The following ERN1 variants were observed in gnomAD, a reference collection of about 807,000 sequenced individuals.
The protein encoded by ERN1 is serine/threonine-protein kinase/endoribonuclease IRE1.
In ERN1, 39 loss-of-function variants were observed where a neutral mutation model predicts 113.1. The ratio of observed to expected loss-of-function variants is 0.34; its 90% CI spans 0.27 to 0.45. The LOEUF (loss-of-function observed/expected upper bound fraction) is 0.45. ERN1 is among the 20% of genes least tolerant of loss of function. The pLI, the probability that ERN1 is intolerant of heterozygous loss-of-function variation, is 1.00. For synonymous variants in ERN1, 507 were observed against 515.9 expected (o/e 0.98, Z 0.23); for missense variants, 976 against 1,274.8 (o/e 0.77, Z 3.57).
chr17:64,067,829 T>A (rs1456180523), intron 7 of ERN1: 1 of 173,804 alleles, frequency 5.8e-6, no homozygotes, highest in African/African-American at 2.4e-5. Flanking sequence ...TAGGGATGAG[T>A]CACATTTGCA....
chr17:64,111,652 C>T (rs1328857495), intron 1 of ERN1, among the ~76,000 whole-genome samples: 5 of 152,158 alleles, frequency 3.3e-5, no homozygotes, highest in Admixed American at 6.5e-5. Context: ...CCATCGCGCC[C>T]GGCCAGGTCA....
chr17:64,106,715 T>TACACACACAC (rs58544303), intron 1 of ERN1, among the ~76,000 whole-genome samples: 5,273 of 103,328 alleles, frequency 0.051, 363 homozygotes, highest in East Asian at 0.097. Context: ...CAGGGTTTCT[T>TACACACACAC]ACACACACAC....
At chr17:64,071,324 G>C (rs1267500450) in intron 6 of ERN1, among the ~76,000 whole-genome samples, 1 of 152,190 alleles carries the variant, frequency 6.6e-6, no homozygotes, top group African/African-American at 2.4e-5. Context: ...GGCAAAAACA[G>C]GCATACCTGG....
intron 1 of ERN1, among the ~76,000 whole-genome samples, chr17:64,112,416 A>G (rs1216523612): frequency 1.3e-5 from 2 of 151,880 alleles, no homozygotes; most frequent in African/African-American, 4.8e-5. Context: ...ATAACTGCTG[A>G]GGAGGTTGTC....
chr17:64,114,063 T>C (rs1360944480), intron 1 of ERN1, among the ~76,000 whole-genome samples: 3 of 118,834 alleles, frequency 2.5e-5, no homozygotes, highest in Admixed American at 1.9e-4. Context: ...AATAAGAAGG[T>C]AAATGCTAAA....
intron 6 of ERN1, among the ~76,000 whole-genome samples, chr17:64,069,421 C>T (rs1015964633): frequency 6.6e-6 from 1 of 151,950 alleles, no homozygotes; most frequent in Non-Finnish European, 1.5e-5. Context: ...GGACAAGGAA[C>T]GGACTGAGAA....
At chr17:64,116,930 C>T (rs1914820862) in intron 1 of ERN1, among the ~76,000 whole-genome samples, 1 of 143,960 alleles carries the variant, frequency 6.9e-6, no homozygotes, top group Admixed American at 7.0e-5. Context: ...CGGTGAAACC[C>T]TGTCTTTACT....
In ERN1 at chr17:64,045,856, C is replaced by T. The variant is rs117094372; in HGVS notation, c.2530-374G>A. ...GAAAGCTCAGATTTGATGTGCATCC[C>T]GTGCTTTGTCTACTCACTGAAACAG... is the stretch of plus-strand genomic sequence containing the variant. On this transcript the variant is annotated intron_variant, in intron 19 of 21. Transcript: ENST00000433197. Among the ~76,000 whole-genome samples the T allele has an allele frequency of 3.5e-3, 532 of 152,288 alleles. 3 individuals carry two copies. Among genetic ancestry groups the T allele is most frequent in the Middle Eastern group, 6.8e-3 (2 of 294 alleles).
intron 1 of ERN1, chr17:64,128,972 T>C (rs888846820): frequency 1.3e-5 from 2 of 152,160 alleles, no homozygotes; most frequent in Non-Finnish European, 2.9e-5. Flanking sequence ...TGGTACATGA[T>C]ATCCCTATTA....
intron 1 of ERN1, among the ~76,000 whole-genome samples, chr17:64,109,706 G>T (rs1051723690): frequency 1.3e-5 from 2 of 152,216 alleles, no homozygotes; most frequent in South Asian, 2.1e-4. Flanking sequence ...CACAGGAAAA[G>T]AAATCAAGGC....
At chr17:64,065,374 C>T (rs570489734) in intron 8 of ERN1, 87 bp from the exon 9 acceptor site, 22 of 954,526 alleles carry the variant, frequency 2.3e-5, no homozygotes, top group Admixed American at 1.2e-4. Context: ...AAATACCACC[C>T]GCAGGGATGA....
chr17:64,046,613 C>A (rs182149857), intron 19 of ERN1, among the ~76,000 whole-genome samples: 2 of 152,324 alleles, frequency 1.3e-5, no homozygotes, highest in South Asian at 2.1e-4. Context: ...AATGGTTGGG[C>A]CAGGCAGCGT....
intron 1 of ERN1, among the ~76,000 whole-genome samples, chr17:64,121,761 A>G (rs1401258909): frequency 1.3e-5 from 2 of 152,198 alleles, no homozygotes; most frequent in Non-Finnish European, 2.9e-5. Context: ...TGCTGGAATT[A>G]CAGGCGTGAG....
intron 1 of ERN1, among the ~76,000 whole-genome samples, chr17:64,122,490 C>G (rs1054801506): frequency 4.6e-5 from 7 of 152,194 alleles, no homozygotes; most frequent in Non-Finnish European, 5.9e-5. Context: ...GGCTACACAT[C>G]TATTCATACA....
rs770047739 is a variant in ERN1, at chr17:64,065,195, C to T, written c.921+14G>A. Reference sequence around the variant, plus strand: ...AGTGGTTAGGCAGCTGCGAGCCCTCCGTAGTGGACTTACCACGACAGCAAC... The same window carrying T: ...AGTGGTTAGGCAGCTGCGAGCCCTCTGTAGTGGACTTACCACGACAGCAAC... On this transcript the variant is annotated intron_variant, in intron 9 of 21. Transcript: ENST00000433197. 146 of 1,590,288 alleles carry T rather than the reference C, an allele frequency of 9.2e-5. 1 individual carries two copies. In the Middle Eastern group the frequency reaches 1.3e-3, roughly 14 times the overall value.
At chr17:64,083,739 C>A (rs1913839601) in intron 2 of ERN1, among the ~76,000 whole-genome samples, 2 of 152,168 alleles carry the variant, frequency 1.3e-5, no homozygotes, top group Non-Finnish European at 2.9e-5. Flanking sequence ...CACTCCCCGG[C>A]CCCCATCGTG....
chr17:64,126,432 C>A (rs565977844), intron 1 of ERN1, among the ~76,000 whole-genome samples: 1 of 152,062 alleles, frequency 6.6e-6, no homozygotes, highest in Non-Finnish European at 1.5e-5. Flanking sequence ...AATAATGAAA[C>A]CCTCAGACCT....
At chr17:64,106,801 T>A (rs1914543978) in intron 1 of ERN1, among the ~76,000 whole-genome samples, 1 of 147,764 alleles carries the variant, frequency 6.8e-6, no homozygotes, top group African/African-American at 2.5e-5. Flanking sequence ...ACACCAGTCC[T>A]ACAGGGTTTC....
intron 17 of ERN1, among the ~76,000 whole-genome samples, chr17:64,052,105 T>A (rs895220087): frequency 2.0e-5 from 3 of 152,242 alleles, no homozygotes; most frequent in African/African-American, 7.2e-5. Context: ...GTGGCTCATG[T>A]CTGCAATCCC....
Sources: gnomAD v4.1 joint callset for allele counts (sites outside exome capture counted in the v4.1 genomes callset) on GRCh38, gnomAD v4.1.1 for gene constraint, MANE v1.5 for transcripts, NCBI Gene and HGNC (gene_info 2026-07-23, HGNC 2026-07-21) for gene names.